CTNND2: variants seen among roughly 807,000 people sequenced by gnomAD.
CTNND2 encodes catenin delta-2.
In CTNND2, 22 loss-of-function variants were observed where a neutral mutation model predicts 144.4. The observed-to-expected ratio is 0.15, with a 90% CI of 0.11 to 0.22. The LOEUF is 0.22. Among genes scored for constraint, CTNND2 ranks in the 10% least tolerant of loss-of-function variants. The pLI is 1.00. For missense variants in CTNND2, 1,353 were observed against 1,618.8 expected (o/e 0.84, Z 2.82); for synonymous variants, 751 against 695.6 (o/e 1.08, Z -1.25).
chr5:11,732,032 G>C, intron 2 of CTNND2, 104 bp downstream of exon 2: 1 of 1,038,808 alleles, frequency 9.6e-7, no homozygotes, highest in South Asian at 1.7e-5. Context: ...TCTGCTACAT[G>C]AGTATGAGTT....
In CTNND2 at chr5:11,069,948, T is replaced by C. The variant is rs1459046443; in HGVS notation, c.2788+12748A>G. Among the ~76,000 whole-genome samples, 4 of 152,196 alleles carry C rather than the reference T, an allele frequency of 2.6e-5. No individual in the cohort carries two copies. The South Asian group carries it at 6.2e-4, about 24-fold the overall frequency. ...GATATAGTTAAAGCATGCATTAGAT[T>C]ATCTCAGCCCTCTACCTTAGCAACC... On this transcript the variant is annotated intron_variant, in intron 16 of 21. Transcript: ENST00000304623.
At chr5:11,827,780 T>A (rs1291917917) in intron 1 of CTNND2, among the ~76,000 whole-genome samples, 2 of 152,208 alleles carry the variant, frequency 1.3e-5, no homozygotes, top group African/African-American at 4.8e-5. Flanking sequence ...TTATAGAAGA[T>A]TTAATTCATA....
chr5:11,475,109 C>T (rs1767594639), intron 3 of CTNND2, among the ~76,000 whole-genome samples: 1 of 152,232 alleles, frequency 6.6e-6, no homozygotes, highest in East Asian at 1.9e-4. Flanking sequence ...CCGCCATTCT[C>T]TTCATACTGC....
At chr5:11,163,348 TG>T (rs1249136924) in intron 11 of CTNND2, among the ~76,000 whole-genome samples, 1 of 152,200 alleles carries the variant, frequency 6.6e-6, no homozygotes, top group Non-Finnish European at 1.5e-5. Flanking sequence ...GCCGAAATTT[TG>T]GAAGTGGATT....
At chr5:11,230,769 T>A (rs1413429396) in intron 10 of CTNND2, among the ~76,000 whole-genome samples, 1 of 152,222 alleles carries the variant, frequency 6.6e-6, no homozygotes, top group Non-Finnish European at 1.5e-5. Context: ...CTACTGCCTA[T>A]GTGACTACAC....
At chr5:11,837,665 T>A (rs1017718160) in intron 1 of CTNND2, among the ~76,000 whole-genome samples, 2 of 151,276 alleles carry the variant, frequency 1.3e-5, no homozygotes, top group African/African-American at 4.9e-5. Context: ...GACAAAAGGT[T>A]TGAAGGTTTT....
At chr5:11,567,338 T>C (rs1777200492) in intron 2 of CTNND2, among the ~76,000 whole-genome samples, 1 of 152,148 alleles carries the variant, frequency 6.6e-6, no homozygotes, top group African/African-American at 2.4e-5. Context: ...TTTCTTCATG[T>C]TTCTTATGCC....
Position 11,870,291 on chromosome 5 carries a change from G to A in CTNND2, c.37+33526C>T, listed in dbSNP as rs117723547. 1.7e-3 allele frequency among the ~76,000 whole-genome samples: 261 copies of A among 152,266 alleles called. 7 individuals carry two copies. In the East Asian group the frequency reaches 0.041, roughly 24 times the overall value. On this transcript the variant is annotated intron_variant, in intron 1 of 21. Coordinates refer to ENST00000304623, the MANE Select transcript of CTNND2 (RefSeq NM_001332.4). ...CTGCAGGCGTCTAGCAGAGGCTTGC[G>A]ATGCTGCTCAATAGCCTGTAATGCA... is the stretch of plus-strand genomic sequence containing the variant.
intron 21 of CTNND2, among the ~76,000 whole-genome samples, chr5:10,974,167 T>C (rs949535180): frequency 2.7e-4 from 41 of 152,212 alleles, no homozygotes; most frequent in African/African-American, 9.2e-4. Context: ...ATCTGCCTAA[T>C]ATAGGCACTG....
intron 3 of CTNND2, among the ~76,000 whole-genome samples, chr5:11,510,783 T>C (rs1011202272): frequency 3.9e-5 from 6 of 151,978 alleles, no homozygotes; most frequent in South Asian, 2.1e-4. Flanking sequence ...TACAAAAAAT[T>C]AGCCGGGCAT....
chr5:11,191,682 C>T (rs1035913385), intron 11 of CTNND2, among the ~76,000 whole-genome samples: 7 of 152,200 alleles, frequency 4.6e-5, no homozygotes, highest in African/African-American at 1.2e-4. Context: ...TGCTGCTCCA[C>T]CTTTTAGGCC....
chr5:11,294,167 G>T (rs1469399371), intron 9 of CTNND2, among the ~76,000 whole-genome samples: 1 of 123,884 alleles, frequency 8.1e-6, no homozygotes, highest in Non-Finnish European at 1.7e-5. Context: ...TAGTTTCACT[G>T]TCACAATCTC....
intron 2 of CTNND2, among the ~76,000 whole-genome samples, chr5:11,677,991 G>A (rs79791266): frequency 0.024 from 3,615 of 152,200 alleles, 45 homozygotes; most frequent in East Asian, 0.057. Flanking sequence ...CCATAAACAG[G>A]TAGTGAACCA....
At chr5:11,360,421 A>G (rs957934804) in intron 8 of CTNND2, among the ~76,000 whole-genome samples, 3 of 152,164 alleles carry the variant, frequency 2.0e-5, no homozygotes, top group African/African-American at 7.2e-5. Flanking sequence ...TTGAGTAAGG[A>G]AAGCCCAGGG....
At chr5:11,328,736 G>T (rs886197624) in intron 9 of CTNND2, among the ~76,000 whole-genome samples, 2 of 152,208 alleles carry the variant, frequency 1.3e-5, no homozygotes, top group Non-Finnish European at 2.9e-5. Context: ...TACACGTGCA[G>T]ATTATTGCGA....
chr5:11,371,863 A>G (rs1757503715), intron 7 of CTNND2, among the ~76,000 whole-genome samples: 1 of 152,202 alleles, frequency 6.6e-6, no homozygotes, highest in Non-Finnish European at 1.5e-5. Context: ...CAAAGATAAA[A>G]TTGCACTGAA....
At chr5:11,305,645 C>T (rs897167022) in intron 9 of CTNND2, among the ~76,000 whole-genome samples, 6 of 152,050 alleles carry the variant, frequency 3.9e-5, no homozygotes, top group South Asian at 2.1e-4. Context: ...AGGGCTGCTA[C>T]GGGAAATAAA....
Position 11,904,407 on chromosome 5 carries a change from A to G in CTNND2, c.-554T>C, listed in dbSNP as rs1738169175. On this transcript the variant is annotated 5_prime_UTR_variant, in exon 1 of 22. Coordinates refer to ENST00000304623, the MANE Select transcript of CTNND2 (RefSeq NM_001332.4). The surrounding 1 kb of genome is among the most constrained non-coding windows in gnomAD (Gnocchi z 4.2). Reference sequence around the variant, plus strand: ...GGCCGGCCCGGGCGCCCGGCTAGTGAGGGAGCGTCCGCCCCGCCGCCGAAA... The same window carrying G: ...GGCCGGCCCGGGCGCCCGGCTAGTGGGGGAGCGTCCGCCCCGCCGCCGAAA... Among the ~76,000 whole-genome samples, 1 of 151,604 alleles carries G rather than the reference A, an allele frequency of 6.6e-6. No individual in the cohort carries two copies. The highest frequency in any genetic ancestry group is 6.6e-5 in the Admixed American group (1 of 15,248).
chr5:11,636,842 A>G (rs1781733982), intron 2 of CTNND2, among the ~76,000 whole-genome samples: 1 of 152,206 alleles, frequency 6.6e-6, no homozygotes, highest in African/African-American at 2.4e-5. Flanking sequence ...TGGAGAACAC[A>G]TAAATATTGA....
Sources: allele counts gnomAD v4.1 joint callset (sites outside exome capture counted in the v4.1 genomes callset), GRCh38; gene constraint gnomAD v4.1.1; non-coding constraint Gnocchi (gnomAD v3.1); transcripts MANE v1.5; gene names NCBI Gene and HGNC (gene_info 2026-07-23, HGNC 2026-07-21).